The following INPP5D variants were observed in gnomAD, a reference collection of about 807,000 sequenced individuals.
INPP5D encodes inositol polyphosphate-5-phosphatase D.
A neutral mutation model predicts 122.9 loss-of-function variants in INPP5D; 33 were observed. The observed-to-expected ratio is 0.27, with a 90% CI of 0.20 to 0.36. The LOEUF is 0.36. INPP5D is among the 10% of genes least tolerant of loss of function. INPP5D has a pLI of 1.00. For missense variants in INPP5D, 1,053 were observed against 1,412.7 expected, an observed-to-expected ratio of 0.75 and a Z score of 4.08; for synonymous variants, 584 against 576.2, an observed-to-expected ratio of 1.01 and a Z score of -0.19.
At chr2:233,142,834 C>T (rs2106275407) in intron 6 of INPP5D, among the ~76,000 whole-genome samples, 1 of 152,288 alleles carries the variant, frequency 6.6e-6, no homozygotes, top group South Asian at 2.1e-4. Flanking sequence ...ATTCTATCCT[C>T]AACCTCGACA....
chr2:233,074,467 T>G (rs140601903), intron 1 of INPP5D, among the ~76,000 whole-genome samples: 5 of 152,336 alleles, frequency 3.3e-5, no homozygotes, highest in Non-Finnish European at 5.9e-5. Context: ...GGGGTCCATG[T>G]TAGCAAGAAA....
intron 2 of INPP5D, among the ~76,000 whole-genome samples, chr2:233,087,799 C>T (rs1042135768): frequency 6.6e-6 from 1 of 152,142 alleles, no homozygotes; most frequent in African/African-American, 2.4e-5. Context: ...ATTTATCTCA[C>T]CCTTGCTGTA....
In INPP5D at chr2:233,163,718, C is replaced by T. The variant is rs775892531; in HGVS notation, c.1252C>T (p.Pro418Ser). The change falls in exon 12 of 27, where the codon CCT (proline) becomes TCT (serine). Residue 418 changes from proline to serine, a missense_variant. Physicochemically the swap from Pro to Ser is moderately conservative, Grantham distance 74. Around this residue, in one of 6 missense-constraint regions of INPP5D, gnomAD observed 105 missense variants for 199.8 expected, o/e 0.53. Coordinates refer to ENST00000445964, the MANE Select transcript of INPP5D (RefSeq NM_001017915.3). ...TTTTGCTGTTGAAGGTAACGCCCCC[C>T]CTCCCAAGAAGATCACGTCCTGGTT... ...IGTWNMGNAP[P>S]PKKITSWFLS... The T allele has an allele frequency of 6.8e-6, 11 of 1,613,704 alleles. No individual in the cohort carries two copies. In the African/African-American group the frequency reaches 1.2e-4, roughly 18 times the overall value.
intron 1 of INPP5D, among the ~76,000 whole-genome samples, chr2:233,070,746 C>T (rs1282159934): frequency 2.0e-5 from 3 of 152,046 alleles, no homozygotes; most frequent in Admixed American, 1.3e-4. Context: ...CGGCCAGGAT[C>T]CAGCAGTTTA....
chr2:233,093,450 G>A (rs1692041400), intron 2 of INPP5D, among the ~76,000 whole-genome samples: 1 of 152,130 alleles, frequency 6.6e-6, no homozygotes, highest in South Asian at 2.1e-4. Context: ...GGAGGCTGAG[G>A]CAGGCAGATC....
rs938688060 is a variant in INPP5D at position 233,128,802 on chromosome 2, C to T, written c.525-1706C>T. On this transcript the variant is annotated intron_variant, in intron 4 of 26. Transcript: ENST00000445964. This position sits in a 1 kb window ranked among gnomAD's most constrained non-coding sequence, Gnocchi z 4.5. ...AATTCCTGTCCAATCTTAAGAGCAA[C>T]GGCTTTTCATTCTTTCACAGATTCC... Among the ~76,000 whole-genome samples, 3 of 152,140 alleles carry T rather than the reference C, an allele frequency of 2.0e-5. No individual in the cohort carries two copies. Among genetic ancestry groups the T allele is most frequent in the Non-Finnish European group, 4.4e-5 (3 of 68,026 alleles).
chr2:233,175,738 A>G (rs61225971), intron 17 of INPP5D, among the ~76,000 whole-genome samples: 1,551 of 150,456 alleles, frequency 0.01, 26 homozygotes, highest in African/African-American at 0.035. Context: ...GCTGGAGTGC[A>G]GTGGCGCAAT....
intron 25 of INPP5D, among the ~76,000 whole-genome samples, chr2:233,200,449 C>G (rs542194506): frequency 6.6e-6 from 1 of 152,364 alleles, no homozygotes; most frequent in Admixed American, 6.5e-5. Flanking sequence ...CTCTCAGCCT[C>G]TCTTCCTCTA....
rs1191977468 is a variant in INPP5D at position 233,139,466 on chromosome 2, C to CTGTGTGTGTGTGTGTG, written c.666-352_666-337dup. On this transcript the variant is annotated intron_variant, in intron 5 of 26. Transcript: ENST00000445964. ...GCCCAGAAATTTGCATTGTTAACAC[C>CTGTGTGTGTGTGTGTG]TGTGTGTGTGTGTGTGTGTGTGTGT... 1.2e-3 allele frequency among the ~76,000 whole-genome samples: 179 copies of CTGTGTGTGTGTGTGTG among 147,550 alleles called. 1 individual carries two copies. The highest frequency in any genetic ancestry group is 4.3e-3 in the African/African-American group (174 of 40,174).
chr2:233,080,067 T>C (rs1223749976), intron 2 of INPP5D, among the ~76,000 whole-genome samples: 1 of 152,096 alleles, frequency 6.6e-6, no homozygotes, highest in Non-Finnish European at 1.5e-5. Flanking sequence ...GTAGCTGGGA[T>C]TATAGGTGCC....
chr2:233,137,420 TC>T (rs1693493791), intron 5 of INPP5D, among the ~76,000 whole-genome samples: 2 of 151,432 alleles, frequency 1.3e-5, no homozygotes, highest in Admixed American at 1.3e-4. Flanking sequence ...CTAATTACAA[TC>T]GATAGGGAAA....
intron 2 of INPP5D, among the ~76,000 whole-genome samples, chr2:233,119,486 T>C (rs1235198491): frequency 2.0e-5 from 3 of 152,212 alleles, no homozygotes. Context: ...CAGATATTTC[T>C]GGTTCAATAA....
Position 233,182,517 on chromosome 2 carries a change from T to A in INPP5D, c.2161+18T>A. 1 of 1,611,332 alleles carries A rather than the reference T, an allele frequency of 6.2e-7. No individual in the cohort carries two copies. Among genetic ancestry groups the A allele is most frequent in the Non-Finnish European group, 8.5e-7 (1 of 1,178,282 alleles). On this transcript the variant is annotated intron_variant, in intron 19 of 26. Coordinates refer to ENST00000445964, the MANE Select transcript of INPP5D (RefSeq NM_001017915.3). Reference sequence around the variant, plus strand: ...CAAGAACGGTAAGCAAAGGATGGTGTCTGTTTCTCTGTTTTCCTCAATGAC... The same window carrying A: ...CAAGAACGGTAAGCAAAGGATGGTGACTGTTTCTCTGTTTTCCTCAATGAC...
intron 5 of INPP5D, chr2:233,131,212 A>C: frequency 1.4e-6 from 1 of 713,580 alleles, no homozygotes; most frequent in Non-Finnish European, 1.7e-6. Flanking sequence ...ACATTTTAAA[A>C]TTTAATTGAT....
chr2:233,127,789 G>A (rs1693206385), intron 4 of INPP5D, among the ~76,000 whole-genome samples: 1 of 152,108 alleles, frequency 6.6e-6, no homozygotes, highest in Admixed American at 6.5e-5. Context: ...TGTATTTTTA[G>A]TAGAGACGGG....
chr2:233,114,467 G>A (rs1692727571), intron 2 of INPP5D, among the ~76,000 whole-genome samples: 1 of 152,206 alleles, frequency 6.6e-6, no homozygotes, highest in Admixed American at 6.5e-5. Flanking sequence ...GTAAGAGCTG[G>A]ACAGGAGGCT....
At chr2:233,126,958 TTCCC>T (rs1470066517) in intron 4 of INPP5D, among the ~76,000 whole-genome samples, 1 of 151,786 alleles carries the variant, frequency 6.6e-6, no homozygotes, top group East Asian at 1.9e-4. Context: ...CATTGTTTAG[TTCCC>T]CAGGGTTTCC....
chr2:233,067,908 G>C (rs1318916449), intron 1 of INPP5D, among the ~76,000 whole-genome samples: 1 of 152,182 alleles, frequency 6.6e-6, no homozygotes, highest in Non-Finnish European at 1.5e-5. Flanking sequence ...GTTATCAAGA[G>C]GACAAAATGG....
Position 233,100,215 on chromosome 2 carries a change from G to A in INPP5D, c.198+20817G>A, listed in dbSNP as rs1017023962. On this transcript the variant is annotated intron_variant, in intron 2 of 26. Coordinates refer to ENST00000445964, the MANE Select transcript of INPP5D (RefSeq NM_001017915.3). This position sits in a 1 kb window ranked among gnomAD's most constrained non-coding sequence, Gnocchi z 5.3. ...CCCACCTCGCCCTGTCGCCTCACTCGCAGCCTGTTCCACTCATTTACATCA... is the reference window on the plus strand; with the variant it reads ...CCCACCTCGCCCTGTCGCCTCACTCACAGCCTGTTCCACTCATTTACATCA... Among the ~76,000 whole-genome samples, 21 of 152,230 alleles carry A rather than the reference G, an allele frequency of 1.4e-4. No homozygotes were observed. Among genetic ancestry groups the A allele is most frequent in the African/African-American group, 4.1e-4 (17 of 41,522 alleles).
Sources: gnomAD v4.1 joint callset for allele counts (sites outside exome capture counted in the v4.1 genomes callset) on GRCh38, gnomAD v4.1.1 for gene constraint, gnomAD v4.1.1 regional missense constraint, Gnocchi (gnomAD v3.1) non-coding constraint, MANE v1.5 for transcripts, NCBI Gene and HGNC (gene_info 2026-07-23, HGNC 2026-07-21) for gene names.